ZBTB44: variants seen among roughly 807,000 people sequenced by gnomAD.
ZBTB44 encodes the protein zinc finger and BTB domain-containing protein 44.
A neutral mutation model predicts 54.0 loss-of-function variants in ZBTB44; 15 were observed. The ratio of observed to expected loss-of-function variants is 0.28; its 90% CI spans 0.19 to 0.43. The LOEUF is 0.43. Ranked by LOEUF, ZBTB44 falls within the 20% of genes least tolerant of loss-of-function variation. ZBTB44 has a pLI of 1.00. For synonymous variants in ZBTB44, 230 were observed against 250.1 expected (o/e 0.92, Z 0.76); for missense variants, 487 against 707.1 (o/e 0.69, Z 3.53).
intron 3 of ZBTB44, chr11:130,238,882 G>A (rs980197765): frequency 2.6e-5 from 6 of 231,688 alleles, no homozygotes; most frequent in Non-Finnish European, 4.1e-5. Flanking sequence ...TAGATTTTAG[G>A]TATGAATAAA....
intron 2 of ZBTB44, among the ~76,000 whole-genome samples, chr11:130,249,172 T>G (rs1937778860): frequency 6.6e-6 from 1 of 152,148 alleles, no homozygotes; most frequent in African/African-American, 2.4e-5. Flanking sequence ...TGGTAAAGGA[T>G]GACTATTTCA....
At chr11:130,267,306 G>A (rs558718145) in intron 1 of ZBTB44, among the ~76,000 whole-genome samples, 1 of 152,210 alleles carries the variant, frequency 6.6e-6, no homozygotes, top group South Asian at 2.1e-4. Flanking sequence ...GTTGGTTCAT[G>A]AGGTTGAAGG....
intron 1 of ZBTB44, among the ~76,000 whole-genome samples, chr11:130,312,962 A>G (rs149292920): frequency 1.1e-4 from 16 of 152,320 alleles, no homozygotes; most frequent in Non-Finnish European, 4.4e-5. Flanking sequence ...AGGAAACAAT[A>G]TGGCAAAAAT....
chr11:130,257,253 AAAAAAAG>A (rs1256896689), intron 2 of ZBTB44, among the ~76,000 whole-genome samples: 5 of 151,796 alleles, frequency 3.3e-5, no homozygotes, highest in African/African-American at 1.2e-4. Context: ...AAAAAAAAAA[AAAAAAAG>A]AAAAAGTACA....
In ZBTB44 at chr11:130,244,390, G is replaced by A. The variant is rs552422937; in HGVS notation, c.1019-4494C>T. Among the ~76,000 whole-genome samples the A allele has an allele frequency of 7.9e-5, 12 of 152,150 alleles. No homozygotes were observed. The East Asian group carries it at 1.4e-3, about 17-fold the overall frequency. On this transcript the variant is annotated intron_variant, in intron 2 of 7. Transcript: ENST00000357899. ...TTTTAATGAAAATGAAAATGTGGCC[G>A]GGTGCAGTGGCTCATGCCTGTAATC... is the stretch of plus-strand genomic sequence containing the variant.
At chr11:130,281,134 T>C (rs887636188) in intron 1 of ZBTB44, among the ~76,000 whole-genome samples, 5 of 152,122 alleles carry the variant, frequency 3.3e-5, no homozygotes, top group African/African-American at 7.2e-5. Context: ...GCAGCTAAAG[T>C]AGTGCTTATA....
chr11:130,230,595 TG>T lies in ZBTB44; in HGVS notation c.*1168del, dbSNP rs1953844209. 1 of 149,350 alleles carries T rather than the reference TG, an allele frequency of 6.7e-6. No individual in the cohort carries two copies. Among genetic ancestry groups the T allele is most frequent in the Admixed American group, 6.7e-5 (1 of 15,002 alleles). The allele number at this position is 149,350 out of a possible 1,614,324, so 9.3% of individuals were successfully genotyped here. A position where few individuals can be genotyped will look rare whatever the true frequency, so the allele number is the denominator to read the frequency against. On this transcript the variant is annotated 3_prime_UTR_variant, in exon 8 of 8. Transcript: ENST00000357899. The stretch of plus-strand genomic sequence containing the variant: ...ATTGATAAAAAAAAAAAACTGGCAA[TG>T]TAACTAAATGCGTAACTAATTACTT...
rs1183538989 is a variant in ZBTB44 at position 130,261,693 on chromosome 11, C to T, written c.181G>A (p.Val61Ile). ...TTGTTCTCATCCTCGGCTTGGCCTACAAGTTTGGTGCGAAAGAAATCACTG... is the reference window on the plus strand; with the variant it reads ...TTGTTCTCATCCTCGGCTTGGCCTATAAGTTTGGTGCGAAAGAAATCACTG... ...ACSDFFRTKL[V>I]GQAEDENKNV... Residue 61 changes from valine (V) to isoleucine (I), a missense_variant, in exon 2 of 8, where the codon GTA (valine) becomes ATA (isoleucine). By Grantham distance (29) the Val-to-Ile change is conservative. Around this residue, in one of 3 missense-constraint regions of ZBTB44, gnomAD observed 90 missense variants for 160.3 expected, o/e 0.56. Transcript: ENST00000357899. The surrounding 1 kb of genome is among the most constrained non-coding windows in gnomAD (Gnocchi z 4.8). 6.2e-7 allele frequency: 1 copy of T among 1,613,932 alleles called. No homozygotes were observed. The highest frequency in any genetic ancestry group is 1.3e-5 in the African/African-American group (1 of 74,940).
At chr11:130,249,427 C>T (rs890778997) in intron 2 of ZBTB44, among the ~76,000 whole-genome samples, 10 of 152,116 alleles carry the variant, frequency 6.6e-5, no homozygotes, top group African/African-American at 2.4e-4. Flanking sequence ...TATTTTGACC[C>T]CAATTCAGGA....
At chr11:130,251,316 T>G (rs189812130) in intron 2 of ZBTB44, among the ~76,000 whole-genome samples, 1 of 152,084 alleles carries the variant, frequency 6.6e-6, no homozygotes, top group African/African-American at 2.4e-5. Context: ...AAACCTACGA[T>G]TGACTGAGGT....
At chr11:130,268,001 T>C (rs1393570934) in intron 1 of ZBTB44, among the ~76,000 whole-genome samples, 1 of 140,872 alleles carries the variant, frequency 7.1e-6, no homozygotes, top group Non-Finnish European at 1.5e-5. Flanking sequence ...ACCCGGGAGG[T>C]GGAGGCTGCA....
chr11:130,305,946 TA>T (rs911504479), intron 1 of ZBTB44, among the ~76,000 whole-genome samples: 4 of 151,512 alleles, frequency 2.6e-5, no homozygotes, highest in East Asian at 1.9e-4. Flanking sequence ...AAAAATGGGT[TA>T]AAAAAAACAT....
chr11:130,309,559 C>T (rs1036601652), intron 1 of ZBTB44, among the ~76,000 whole-genome samples: 1 of 152,150 alleles, frequency 6.6e-6, no homozygotes. Flanking sequence ...CTGTACATAG[C>T]ATATTTATGC....
intron 2 of ZBTB44, among the ~76,000 whole-genome samples, chr11:130,259,603 C>A (rs1483419803): frequency 1.3e-5 from 2 of 152,148 alleles, no homozygotes; most frequent in Admixed American, 1.3e-4. Flanking sequence ...CACATGTACA[C>A]CATGAAATAC....
chr11:130,282,845 G>C (rs561448556), intron 1 of ZBTB44, among the ~76,000 whole-genome samples: 2 of 152,158 alleles, frequency 1.3e-5, no homozygotes, highest in South Asian at 4.2e-4. Flanking sequence ...TGGGCAAGGA[G>C]ATTTTTGTTT....
At chr11:130,281,516 A>AAAATAAAT (rs58860118) in intron 1 of ZBTB44, among the ~76,000 whole-genome samples, 5,975 of 138,748 alleles carry the variant, frequency 0.043, 188 homozygotes, top group African/African-American at 0.071. Flanking sequence ...ACCCTGTCTC[A>AAAATAAAT]AAATAAATAA....
chr11:130,289,481 CAA>C (rs796256653), intron 1 of ZBTB44, among the ~76,000 whole-genome samples: 2,671 of 64,468 alleles, frequency 0.041, 59 homozygotes, highest in African/African-American at 0.097. Flanking sequence ...GACTCTGCCT[CAA>C]AAAAAAAAAA....
At chr11:130,245,334 T>G (rs1450766852) in intron 2 of ZBTB44, among the ~76,000 whole-genome samples, 1 of 152,218 alleles carries the variant, frequency 6.6e-6, no homozygotes, top group Non-Finnish European at 1.5e-5. Flanking sequence ...AATGCTGCAT[T>G]TTAAGAAAGA....
Position 130,296,070 on chromosome 11 carries a change from T to C in ZBTB44, c.-57+18305A>G. The C allele has an allele frequency of 4.4e-6, 7 of 1,584,306 alleles. No homozygotes were observed. The South Asian group carries it at 7.7e-5, about 18-fold the overall frequency. On this transcript the variant is annotated intron_variant, in intron 1 of 7. Transcript: ENST00000357899. ...ATGAAGCTGATCGTATCTTGGATGT[T>C]GGGTATGAAGAGGAATTAAAGCAAA...
Sources: allele counts gnomAD v4.1 joint callset (sites outside exome capture counted in the v4.1 genomes callset), GRCh38; gene constraint gnomAD v4.1.1; regional missense constraint gnomAD v4.1.1; non-coding constraint Gnocchi (gnomAD v3.1); transcripts MANE v1.5; gene names NCBI Gene and HGNC (gene_info 2026-07-23, HGNC 2026-07-21).